Variants in TANGO6 observed in about 807,000 individuals in gnomAD.
The protein encoded by TANGO6 is transport and Golgi organization protein 6 homolog.
Under a neutral mutation model 114.2 loss-of-function variants are expected in TANGO6, and 90 were observed. The ratio of observed to expected loss-of-function variants is 0.79; its 90% CI spans 0.66 to 0.94. The LOEUF (loss-of-function observed/expected upper bound fraction) is 0.94. TANGO6 is among the 40% of genes least tolerant of loss of function. TANGO6 has a pLI of 0.00. For missense variants in TANGO6, 1,274 were observed against 1,315.3 expected (o/e 0.97, Z 0.49); for synonymous variants, 477 against 509.8 (o/e 0.94, Z 0.87).
intron 15 of TANGO6, among the ~76,000 whole-genome samples, chr16:68,979,417 A>G (rs1963801355): frequency 6.6e-6 from 1 of 151,694 alleles, no homozygotes; most frequent in African/African-American, 2.4e-5. Context: ...TTTAGTAGAG[A>G]TGGGGTTTCA....
chr16:69,040,744 T>G (rs1027899811), intron 17 of TANGO6, among the ~76,000 whole-genome samples: 7 of 152,174 alleles, frequency 4.6e-5, no homozygotes, highest in Admixed American at 2.0e-4. Context: ...CTCTGCACCC[T>G]GAACTTCAGT....
chr16:68,970,025 A>G (rs1302580831), intron 14 of TANGO6, among the ~76,000 whole-genome samples: 1 of 152,020 alleles, frequency 6.6e-6, no homozygotes, highest in South Asian at 2.1e-4. Context: ...AGTAGTGTCA[A>G]TGTGGGTTTC....
At chr16:68,884,202 G>A (rs1208410897) in intron 7 of TANGO6, among the ~76,000 whole-genome samples, 1 of 152,128 alleles carries the variant, frequency 6.6e-6, no homozygotes, top group African/African-American at 2.4e-5. Flanking sequence ...AAGCCACCGT[G>A]CCCGGCCTCA....
intron 6 of TANGO6, among the ~76,000 whole-genome samples, chr16:68,879,596 C>CTATTAA (rs1376684597): frequency 6.6e-6 from 1 of 151,526 alleles, no homozygotes; most frequent in Non-Finnish European, 1.5e-5. Context: ...CTAGATACAA[C>CTATTAA]TATTAACTCT....
chr16:68,926,421 G>A (rs866725919), intron 12 of TANGO6, among the ~76,000 whole-genome samples: 64 of 151,924 alleles, frequency 4.2e-4, no homozygotes, highest in African/African-American at 1.5e-3. Flanking sequence ...GTGAACCCGG[G>A]AGGTGGAGGT....
intron 1 of TANGO6, among the ~76,000 whole-genome samples, chr16:68,856,676 T>C (rs1456266875): frequency 6.6e-6 from 1 of 152,246 alleles, no homozygotes; most frequent in African/African-American, 2.4e-5. Context: ...CCAATGTTGA[T>C]ACATTGTTAT....
intron 15 of TANGO6, among the ~76,000 whole-genome samples, chr16:69,015,724 G>T (rs1347549470): frequency 6.6e-6 from 1 of 151,908 alleles, no homozygotes; most frequent in African/African-American, 2.4e-5. Flanking sequence ...CTCATGATCC[G>T]CCCCCTCTGC....
chr16:68,934,477 G>A (rs1470746821), intron 14 of TANGO6, among the ~76,000 whole-genome samples: 1 of 152,140 alleles, frequency 6.6e-6, no homozygotes, highest in East Asian at 1.9e-4. Context: ...CACCCAAAGT[G>A]GTAAAGGACA....
intron 7 of TANGO6, among the ~76,000 whole-genome samples, chr16:68,881,739 A>C (rs1174759310): frequency 1.1e-4 from 17 of 152,236 alleles, no homozygotes; most frequent in Admixed American, 1.1e-3. Context: ...CTAAGAATCT[A>C]AATGTTATGT....
intron 17 of TANGO6, among the ~76,000 whole-genome samples, chr16:69,080,316 G>A (rs575038904): frequency 6.6e-6 from 1 of 152,236 alleles, no homozygotes; most frequent in East Asian, 1.9e-4. Context: ...GGTGGCTCAT[G>A]CCTGTAATCC....
intron 15 of TANGO6, among the ~76,000 whole-genome samples, chr16:69,012,581 A>AAAAAAAAAG (rs1567558458): frequency 1.8e-5 from 2 of 111,992 alleles, no homozygotes; most frequent in Non-Finnish European, 3.8e-5. Flanking sequence ...AAAAAAAAGG[A>AAAAAAAAAG]AAAAAAAAAA....
At chr16:69,054,179 T>C (rs1959996765) in intron 17 of TANGO6, among the ~76,000 whole-genome samples, 1 of 152,222 alleles carries the variant, frequency 6.6e-6, no homozygotes, top group African/African-American at 2.4e-5. Context: ...TGTGTAGACT[T>C]TCACTTATCC....
At chr16:68,882,483 C>T (rs990208631) in intron 7 of TANGO6, among the ~76,000 whole-genome samples, 3 of 150,144 alleles carry the variant, frequency 2.0e-5, no homozygotes, top group Admixed American at 1.3e-4. Context: ...GGTGACAGAG[C>T]GAGACTCCGT....
At chr16:68,979,949 A>G (rs548396842) in intron 15 of TANGO6, among the ~76,000 whole-genome samples, 46 of 151,488 alleles carry the variant, frequency 3.0e-4, no homozygotes, top group Non-Finnish European at 5.9e-4. Context: ...GGTTCAAACA[A>G]TTCTCTGCCT....
intron 8 of TANGO6, 141 bp from the exon 9 acceptor site, chr16:68,902,187 C>T (rs1962793983): frequency 3.1e-6 from 2 of 650,084 alleles, no homozygotes; most frequent in Admixed American, 7.7e-5. Context: ...CTTTCCATTC[C>T]TGCATTTCAG....
chr16:68,849,117 T>C (rs1371004120), intron 1 of TANGO6, among the ~76,000 whole-genome samples: 1 of 152,138 alleles, frequency 6.6e-6, no homozygotes, highest in African/African-American at 2.4e-5. Flanking sequence ...GGTGGATCAC[T>C]TGAGATCAGG....
chr16:68,880,586 G>A lies in TANGO6; in HGVS notation c.1333G>A (p.Val445Met). ...TGACATGGTACCAGGAACTATTTTGGTGACAGAAGAAGAACTTAGTAGATG... is the reference window on the plus strand; with the variant it reads ...TGACATGGTACCAGGAACTATTTTGATGACAGAAGAAGAACTTAGTAGATG... Reference protein sequence around the residue: ...ESDMVPGTILVTEEELSRCIE... With the variant: ...ESDMVPGTILMTEEELSRCIE... Residue 445 changes from valine to methionine, a missense_variant, in exon 7 of 18, where the codon GTG becomes ATG. Val to Met is a conservative substitution (Grantham distance 21, BLOSUM62 1). This residue lies in a region of TANGO6 where 908 missense variants were observed against 910.2 expected (regional missense o/e 1.00). Transcript: ENST00000261778. 1 of 1,612,840 alleles carries A rather than the reference G, an allele frequency of 6.2e-7. No individual in the cohort carries two copies. The highest frequency in any genetic ancestry group is 8.5e-7 in the Non-Finnish European group (1 of 1,179,394).
intron 15 of TANGO6, among the ~76,000 whole-genome samples, chr16:69,010,105 C>T (rs1482715949): frequency 6.6e-6 from 1 of 152,082 alleles, no homozygotes; most frequent in African/African-American, 2.4e-5. Flanking sequence ...ATTTGCTACC[C>T]TCACTAAATG....
chr16:69,063,643 C>CAAAAAAAA lies in TANGO6; in HGVS notation c.3109-19822_3109-19815dup, dbSNP rs770332921. 1.1e-3 allele frequency among the ~76,000 whole-genome samples: 39 copies of CAAAAAAAA among 35,784 alleles called. 1 individual carries two copies. The highest frequency in any genetic ancestry group is 1.9e-3 in the Admixed American group (5 of 2,646). 23.5% of individuals were successfully genotyped at this position (35,784 alleles called of 152,430 possible). ...AAAGGCTGCGGTGAGACTCCATCTC[C>CAAAAAAAA]AAAAAAAAAAAAAAAAAAAAAAAAA... is the stretch of plus-strand genomic sequence containing the variant. On this transcript the variant is annotated intron_variant, in intron 17 of 17. Transcript: ENST00000261778.
Sources: allele counts gnomAD v4.1 joint callset (sites outside exome capture counted in the v4.1 genomes callset), GRCh38; gene constraint gnomAD v4.1.1; regional missense constraint gnomAD v4.1.1; transcripts MANE v1.5; gene names NCBI Gene and HGNC (gene_info 2026-07-23, HGNC 2026-07-21).